TRMU: variants seen among roughly 807,000 people sequenced by gnomAD.
The protein encoded by TRMU is mitochondrial tRNA-specific 2-thiouridylase 1.
TRMU carries 49 observed loss-of-function variants against 46.9 expected under a neutral mutation model. That is an observed-to-expected ratio of 1.05 (90% CI 0.83 to 1.33). The LOEUF (loss-of-function observed/expected upper bound fraction) is 1.33, where lower values mean the gene tolerates loss of function less well. TRMU is among the 40% of genes most tolerant of loss of function. TRMU has a pLI of 0.00. For synonymous variants in TRMU, 241 were observed against 200.9 expected (o/e 1.20, Z -1.69); for missense variants, 572 against 532.4 (o/e 1.07, Z -0.73).
chr22:46,343,686 T>C (rs2078181265), intron 3 of TRMU, among the ~76,000 whole-genome samples: 1 of 152,224 alleles, frequency 6.6e-6, no homozygotes, highest in Non-Finnish European at 1.5e-5. Flanking sequence ...TGTTTCTTCT[T>C]GTGGAACCTC....
At chr22:46,353,719 G>A in intron 7 of TRMU, 48 bp from the exon 8 acceptor site, 1 of 1,562,676 alleles carries the variant, frequency 6.4e-7, no homozygotes, top group Non-Finnish European at 8.8e-7. Context: ...CGTGACATGT[G>A]GGCTGTAACT....
chr22:46,354,034 G>A, intron 8 of TRMU, 167 bp downstream of exon 8: 1 of 662,834 alleles, frequency 1.5e-6, no homozygotes, highest in South Asian at 1.6e-5. Context: ...TGGCCATGGT[G>A]GCAGGAGAGT....
chr22:46,355,687 C>T (rs959727920), intron 9 of TRMU, 99 bp downstream of exon 9: 4 of 1,581,238 alleles, frequency 2.5e-6, no homozygotes, highest in African/African-American at 2.7e-5. Context: ...TAGGAAAGTC[C>T]CGTTGTGGAG....
At chr22:46,353,554 C>T in intron 7 of TRMU, 1 of 499,752 alleles carries the variant, frequency 2.0e-6, no homozygotes, top group Non-Finnish European at 3.8e-6. Flanking sequence ...GCCACCACAC[C>T]CCATGTCCAG....
In TRMU at chr22:46,338,847, G is replaced by A. The variant is rs780628586; in HGVS notation, c.248+903G>A. ...GTCTGACACAGCAGGCCATGTGCGC[G>A]GGACAGGCTGCCCCTGCCTGAGTGG... On this transcript the variant is annotated intron_variant, in intron 2 of 10. Transcript: ENST00000645190. This position sits in a 1 kb window ranked among gnomAD's most constrained non-coding sequence, Gnocchi z 4.5. Among the ~76,000 whole-genome samples the A allele has an allele frequency of 2.0e-5, 3 of 152,180 alleles. No individual in the cohort carries two copies. The highest frequency in any genetic ancestry group is 2.9e-5 in the Non-Finnish European group (2 of 68,018).
In TRMU at chr22:46,355,621, C is replaced by A. The variant is rs1262472196; in HGVS notation, c.1018+33C>A. 2.5e-6 allele frequency: 4 copies of A among 1,613,016 alleles called. No homozygotes were observed. The African/African-American group carries it at 5.3e-5, about 22-fold the overall frequency. Reference sequence around the variant, plus strand: ...ACGGGAGGGCTCCTGAGGACGGGCCCCTTGAAGCTGAGCTTCCTGAGGCCA... The same window carrying A: ...ACGGGAGGGCTCCTGAGGACGGGCCACTTGAAGCTGAGCTTCCTGAGGCCA... On this transcript the variant is annotated intron_variant, in intron 9 of 10. Transcript: ENST00000645190.
chr22:46,341,497 G>GAT (rs958420190), intron 2 of TRMU, among the ~76,000 whole-genome samples: 53 of 152,252 alleles, frequency 3.5e-4, no homozygotes, highest in African/African-American at 1.3e-3. Flanking sequence ...TAAAGTGGAA[G>GAT]ATATCCAAGG....
chr22:46,356,917 C>T lies in TRMU; in HGVS notation c.1177C>T (p.Leu393Phe). The change falls in exon 11 of 11, where the codon CTC becomes TTC. Residue 393 changes from leucine (L) to phenylalanine (F), a missense_variant. Physicochemically the swap from Leu to Phe is conservative, Grantham distance 22 (BLOSUM62 0). Transcript: ENST00000645190. ...GCGGCTGGGGCCGTCTGCCTACACG[C>T]TCCAGAAGGGCCAGCGCAGAGCTGG... ...ILRLGPSAYT[L>F]QKGQRRAGMA... 1 of 1,613,292 alleles carries T rather than the reference C, an allele frequency of 6.2e-7. No individual in the cohort carries two copies. Among genetic ancestry groups the T allele is most frequent in the Non-Finnish European group, 8.5e-7 (1 of 1,179,938 alleles).
At chr22:46,356,320 G>A in intron 10 of TRMU, 1 of 549,118 alleles carries the variant, frequency 1.8e-6, no homozygotes, top group Non-Finnish European at 3.3e-6. Flanking sequence ...CTCAGCTGCT[G>A]CCCGGGCCCC....
rs529294520 is a variant in TRMU at position 46,349,313 on chromosome 22, C to T, written c.479-978C>T. 8.5e-4 allele frequency among the ~76,000 whole-genome samples: 130 copies of T among 152,250 alleles called. No homozygotes were observed. Among genetic ancestry groups the T allele is most frequent in the African/African-American group, 3.1e-3 (128 of 41,562 alleles). ...CCGCCTCCACCTGCATCACTTTGGG[C>T]GAGTCATATGTGATGAACTGGGCCG... On this transcript the variant is annotated intron_variant, in intron 4 of 10. Transcript: ENST00000645190. The surrounding 1 kb of genome is among the most constrained non-coding windows in gnomAD (Gnocchi z 4.6).
intron 3 of TRMU, among the ~76,000 whole-genome samples, chr22:46,345,146 C>T (rs983459484): frequency 6.6e-6 from 1 of 152,022 alleles, no homozygotes; most frequent in Non-Finnish European, 1.5e-5. Flanking sequence ...TCTCGGCTCA[C>T]TGCAACCTCC....
Position 46,352,309 on chromosome 22 carries a change from A to C in TRMU, c.751A>C (p.Lys251Gln). 1.2e-6 allele frequency: 2 copies of C among 1,614,092 alleles called. No homozygotes were observed. Among genetic ancestry groups the C allele is most frequent in the Non-Finnish European group, 1.7e-6 (2 of 1,180,044 alleles). ...TCACTTTATTTCCATAGAAGACAAT[A>C]AGGTTCTGGGAACACATAAAGGTGA... ...PGHFISIEDNKVLGTHKGWFL... is the reference protein window; with the variant it reads ...PGHFISIEDNQVLGTHKGWFL... The change falls in exon 7 of 11, where the codon AAG (lysine) becomes CAG (glutamine). Residue 251 changes from lysine to glutamine, a missense_variant. By Grantham distance (53) the Lys-to-Gln change is moderately conservative (BLOSUM62 1). Transcript: ENST00000645190.
rs2147096012 is a variant in TRMU at position 46,352,314 on chromosome 22, T to C, written c.756T>C (p.Val252=). ...TTATTTCCATAGAAGACAATAAGGT[T>C]CTGGGAACACATAAAGGTGAGGTGC... is the stretch of plus-strand genomic sequence containing the variant. ...GHFISIEDNK[V]LGTHKGWFLY... The change falls in exon 7 of 11, where the codon GTT becomes GTC. Residue 252 remains valine (V), a synonymous_variant. Coordinates refer to ENST00000645190, the MANE Select transcript of TRMU (RefSeq NM_018006.5). The C allele has an allele frequency of 6.2e-7, 1 of 1,614,008 alleles. No individual in the cohort carries two copies.
In TRMU at chr22:46,336,258, C is replaced by G; in HGVS notation, c.82+412C>G. 1 of 587,314 alleles carries G rather than the reference C, an allele frequency of 1.7e-6. No homozygotes were observed. Among genetic ancestry groups the G allele is most frequent in the Non-Finnish European group, 2.2e-6 (1 of 451,318 alleles). 36.4% of individuals were successfully genotyped at this position (587,314 alleles called of 1,614,324 possible). On this transcript the variant is annotated intron_variant, in intron 1 of 10. Transcript: ENST00000645190. This position sits in a 1 kb window ranked among gnomAD's most constrained non-coding sequence, Gnocchi z 4.1. ...GACCTCTGCACACGCTGTGGCCGCC[C>G]GGTGGGAGGTCCTTGTCCTCCCCAC...
In TRMU at chr22:46,350,387, T is replaced by TG. The variant is rs763926467; in HGVS notation, c.581dup (p.Leu195IlefsTer12). 4 of 1,614,080 alleles carry TG rather than the reference T, an allele frequency of 2.5e-6. No individual in the cohort carries two copies. Among genetic ancestry groups the TG allele is most frequent in the Non-Finnish European group, 3.4e-6 (4 of 1,180,042 alleles). ...GCCCTGAGGAGAACCATCTTCCCTC[T>TG]GGGGGGATTAACGAAAGAGTTTGTA... On this transcript the variant is annotated frameshift_variant, in exon 5 of 11. Transcript: ENST00000645190. LOFTEE classifies it high-confidence loss of function. This position sits in a 1 kb window ranked among gnomAD's most constrained non-coding sequence, Gnocchi z 4.6.
rs958682623 is a variant in TRMU at position 46,339,857 on chromosome 22, C to T, written c.248+1913C>T. 2.4e-4 allele frequency among the ~76,000 whole-genome samples: 36 copies of T among 151,360 alleles called. No homozygotes were observed. Among genetic ancestry groups the T allele is most frequent in the African/African-American group, 8.5e-4 (35 of 41,234 alleles). ...CCTGGGGAAAGTTACCTGTAGAATG[C>T]ATGATAAATGCATTAAAAACTTATC... On this transcript the variant is annotated intron_variant, in intron 2 of 10. Transcript: ENST00000645190. This position sits in a 1 kb window ranked among gnomAD's most constrained non-coding sequence, Gnocchi z 4.8.
At position 46,350,387 on chromosome 22, in the gene TRMU, TG is replaced by T. The variant is rs763926467; in HGVS notation, c.581del (p.Gly194AspfsTer2). 206 of 1,614,080 alleles carry T rather than the reference TG, an allele frequency of 1.3e-4. No individual in the cohort carries two copies. Among genetic ancestry groups the T allele is most frequent in the Non-Finnish European group, 1.7e-4 (203 of 1,180,042 alleles). Reference protein sequence around the residue: ...QDALRRTIFPLGGLTKEFVKK... With the variant: ...QDALRRTIFPXGGLTKEFVKK... The stretch of plus-strand genomic sequence containing the variant: ...GCCCTGAGGAGAACCATCTTCCCTC[TG>T]GGGGGATTAACGAAAGAGTTTGTAA... On this transcript the variant is annotated frameshift_variant, in exon 5 of 11. Transcript: ENST00000645190. LOFTEE classifies it high-confidence loss of function. This position sits in a 1 kb window ranked among gnomAD's most constrained non-coding sequence, Gnocchi z 4.6.
intron 1 of TRMU, 39 bp from the exon 2 acceptor site, chr22:46,337,740 G>GAT (rs1187291209): frequency 6.2e-7 from 1 of 1,613,408 alleles, no homozygotes; most frequent in Non-Finnish European, 8.5e-7. Context: ...ACCGAAGGTT[G>GAT]ATTTATGTAT....
At position 46,336,257 on chromosome 22, in the gene TRMU, C is replaced by A; in HGVS notation, c.82+411C>A. ...TGACCTCTGCACACGCTGTGGCCGC[C>A]CGGTGGGAGGTCCTTGTCCTCCCCA... On this transcript the variant is annotated intron_variant, in intron 1 of 10. Transcript: ENST00000645190. The surrounding 1 kb of genome is among the most constrained non-coding windows in gnomAD (Gnocchi z 4.1). 1 of 611,600 alleles carries A rather than the reference C, an allele frequency of 1.6e-6. No homozygotes were observed. The allele number at this position is 611,600 out of a possible 1,614,324, so 37.9% of individuals were successfully genotyped here.
Sources: allele counts gnomAD v4.1 joint callset (sites outside exome capture counted in the v4.1 genomes callset), GRCh38; gene constraint gnomAD v4.1.1; non-coding constraint Gnocchi (gnomAD v3.1); transcripts MANE v1.5; gene names NCBI Gene and HGNC (gene_info 2026-07-23, HGNC 2026-07-21).